PDE1C: variants seen among roughly 807,000 people sequenced by gnomAD.
The protein encoded by PDE1C is dual specificity calcium/calmodulin-dependent 3',5'-cyclic nucleotide phosphodiesterase 1C.
A neutral mutation model predicts 93.1 loss-of-function variants in PDE1C; 62 were observed. The observed-to-expected ratio is 0.67, with a 90% CI of 0.54 to 0.82. The LOEUF (loss-of-function observed/expected upper bound fraction) is 0.82, where lower values mean the gene tolerates loss of function less well. Among genes scored for constraint, PDE1C ranks in the 40% least tolerant of loss-of-function variants. The pLI, the probability that PDE1C is intolerant of heterozygous loss-of-function variation, is 0.00. For missense variants in PDE1C, 742 were observed against 884.6 expected (o/e 0.84, Z 2.04); for synonymous variants, 325 against 310.1 (o/e 1.05, Z -0.50).
intron 2 of PDE1C, among the ~76,000 whole-genome samples, chr7:31,912,063 GTT>G (rs1190370496): frequency 6.6e-6 from 1 of 152,048 alleles, no homozygotes; most frequent in Non-Finnish European, 1.5e-5. Context: ...AAATCCATTG[GTT>G]CGAGGGCAAA....
At chr7:32,332,726 A>C (rs992936718) in intron 1 of PDE1C, among the ~76,000 whole-genome samples, 2 of 152,252 alleles carry the variant, frequency 1.3e-5, no homozygotes, top group African/African-American at 4.8e-5. Flanking sequence ...AACAAAATGC[A>C]CTAGACAATA....
chr7:32,063,308 CT>C (rs1795020999), intron 1 of PDE1C, among the ~76,000 whole-genome samples: 1 of 152,170 alleles, frequency 6.6e-6, no homozygotes, highest in African/African-American at 2.4e-5. Flanking sequence ...ACAATTATTT[CT>C]TTTAGTTGTT....
chr7:31,822,931 A>G lies in PDE1C; in HGVS notation c.1582+142T>C, dbSNP rs1789157764. 3 of 669,790 alleles carry G rather than the reference A, an allele frequency of 4.5e-6. No individual in the cohort carries two copies. The South Asian group carries it at 6.8e-5, about 15-fold the overall frequency. 41.5% of individuals were successfully genotyped at this position (669,790 alleles called of 1,614,324 possible). On this transcript the variant is annotated intron_variant, in intron 14 of 17. Coordinates refer to ENST00000396191, the MANE Select transcript of PDE1C (RefSeq NM_001191057.4). ...ATGCATTGATTCGTAGATATTATGA[A>G]GATCAAAAGATGGTAGATTCTAATA...
intron 3 of PDE1C, among the ~76,000 whole-genome samples, chr7:32,091,090 CAT>C (rs1349376355): frequency 6.6e-6 from 1 of 152,218 alleles, no homozygotes; most frequent in Non-Finnish European, 1.5e-5. Context: ...CTGTGCCTTT[CAT>C]ATTCACCTAT....
intron 2 of PDE1C, among the ~76,000 whole-genome samples, chr7:31,888,599 A>C (rs1030021411): frequency 2.0e-5 from 3 of 152,154 alleles, no homozygotes; most frequent in African/African-American, 7.2e-5. Context: ...TTCTGAAGAT[A>C]CATTTAAAAA....
chr7:32,132,446 G>C (rs1218512076), intron 3 of PDE1C, among the ~76,000 whole-genome samples: 1 of 152,076 alleles, frequency 6.6e-6, no homozygotes, highest in Non-Finnish European at 1.5e-5. Context: ...GATTGCTTGA[G>C]CTAAGGAGTT....
chr7:31,692,615 A>C, the PDE1C span: 1 of 1,153,658 alleles, frequency 8.7e-7, no homozygotes, highest in Non-Finnish European at 1.3e-6. Flanking sequence ...GAGAGAGGGC[A>C]CCCCCCGAAA....
chr7:31,717,947 GAGA>G, the PDE1C span, among the ~76,000 whole-genome samples: 3 of 152,194 alleles, frequency 2.0e-5, no homozygotes, highest in Non-Finnish European at 4.4e-5. Flanking sequence ...GAGAAGCAAA[GAGA>G]AGAAATGTCA....
chr7:31,858,258 T>A (rs937257234), intron 7 of PDE1C, among the ~76,000 whole-genome samples: 1 of 152,030 alleles, frequency 6.6e-6, no homozygotes, highest in Non-Finnish European at 1.5e-5. Flanking sequence ...ACTGTGTGAG[T>A]CATTTTGGCC....
chr7:32,358,702 G>A (rs543828318), intron 1 of PDE1C, among the ~76,000 whole-genome samples: 1 of 152,274 alleles, frequency 6.6e-6, no homozygotes, highest in East Asian at 1.9e-4. Context: ...CTATGAATGA[G>A]AACTTACTAT....
chr7:32,117,245 T>C (rs866163536), intron 3 of PDE1C, among the ~76,000 whole-genome samples: 1 of 152,212 alleles, frequency 6.6e-6, no homozygotes, highest in African/African-American at 2.4e-5. Context: ...TTTGTCTAGA[T>C]AGGCTTTCAA....
At chr7:31,998,022 A>ATTT (rs1784954386) in intron 2 of PDE1C, among the ~76,000 whole-genome samples, 1 of 148,600 alleles carries the variant, frequency 6.7e-6, no homozygotes, top group Admixed American at 6.7e-5. Context: ...TTATTTATTT[A>ATTT]TTTATTTATT....
At chr7:32,265,916 C>T (rs1270117472) in intron 1 of PDE1C, among the ~76,000 whole-genome samples, 2 of 145,592 alleles carry the variant, frequency 1.4e-5, no homozygotes, top group African/African-American at 4.9e-5. Flanking sequence ...AAGACCTCCC[C>T]TACAAGGTGG....
At chr7:31,664,740 C>A in the PDE1C span, among the ~76,000 whole-genome samples, 1 of 152,178 alleles carries the variant, frequency 6.6e-6, no homozygotes, top group African/African-American at 2.4e-5. Flanking sequence ...TGAGTCTTTT[C>A]AGATCATGAG....
intron 1 of PDE1C, among the ~76,000 whole-genome samples, chr7:32,282,486 A>ATAGATAGCTAGATAGATAGATAGC (rs1307486365): frequency 8.4e-5 from 1 of 11,954 alleles, no homozygotes. Context: ...CAAAAAAAAA[A>ATAGATAGCTAGATAGATAGATAGC]TAGATAGATA....
intron 16 of PDE1C, chr7:31,789,734 G>C (rs1404940567): frequency 2.0e-6 from 2 of 985,650 alleles, no homozygotes; most frequent in Non-Finnish European, 2.4e-6. Context: ...CCAGAGACTG[G>C]AATCATCATC....
intron 2 of PDE1C, among the ~76,000 whole-genome samples, chr7:31,899,092 C>T (rs1262825232): frequency 6.8e-6 from 1 of 146,642 alleles, no homozygotes; most frequent in Non-Finnish European, 1.5e-5. Flanking sequence ...TGGACTGTTG[C>T]TTTTAGTACT....
chr7:31,814,135 G>A (rs1787920659), intron 15 of PDE1C, among the ~76,000 whole-genome samples: 1 of 151,738 alleles, frequency 6.6e-6, no homozygotes, highest in Non-Finnish European at 1.5e-5. Flanking sequence ...TTCATGGATT[G>A]ATGGGCATTT....
chr7:31,697,842 A>T, the PDE1C span, among the ~76,000 whole-genome samples: 1 of 152,218 alleles, frequency 6.6e-6, no homozygotes, highest in Non-Finnish European at 1.5e-5. Context: ...GACTAATATA[A>T]TAGAGAGGCT....
Sources: gnomAD v4.1 joint callset for allele counts (sites outside exome capture counted in the v4.1 genomes callset) on GRCh38, gnomAD v4.1.1 for gene constraint, MANE v1.5 for transcripts, NCBI Gene and HGNC (gene_info 2026-07-23, HGNC 2026-07-21) for gene names.